Variants in ZNRF2 observed in about 807,000 individuals in gnomAD.
ZNRF2 encodes the protein E3 ubiquitin-protein ligase ZNRF2.
A neutral mutation model predicts 20.4 loss-of-function variants in ZNRF2; 16 were observed. That is an observed-to-expected ratio of 0.79 (90% CI 0.53 to 1.19). The LOEUF is 1.19. Among genes scored for constraint, ZNRF2 ranks in the 50% most tolerant of loss-of-function variants. The pLI, the probability that ZNRF2 is intolerant of heterozygous loss-of-function variation, is 0.00. For synonymous variants in ZNRF2, 178 were observed against 144.9 expected, an observed-to-expected ratio of 1.23 and a Z score of -1.64; for missense variants, 363 against 332.4, an observed-to-expected ratio of 1.09 and a Z score of -0.72.
intron 1 of ZNRF2, among the ~76,000 whole-genome samples, chr7:30,318,641 A>T (rs1799415052): frequency 6.6e-6 from 1 of 152,224 alleles, no homozygotes. Flanking sequence ...GAAACAATGT[A>T]CAAATACTGA....
intron 4 of ZNRF2, among the ~76,000 whole-genome samples, chr7:30,365,421 C>A (rs1800197800): frequency 6.6e-6 from 1 of 151,936 alleles, no homozygotes; most frequent in African/African-American, 2.4e-5. Flanking sequence ...GCAGGGTGAA[C>A]TCTGTTAATC....
At chr7:30,360,636 A>C (rs746737324) in intron 3 of ZNRF2, among the ~76,000 whole-genome samples, 4 of 152,060 alleles carry the variant, frequency 2.6e-5, no homozygotes, top group Non-Finnish European at 5.9e-5. Flanking sequence ...CAGAGTTTGC[A>C]GTGAATTGAG....
chr7:30,308,389 A>C (rs141780432), intron 1 of ZNRF2, among the ~76,000 whole-genome samples: 2 of 152,270 alleles, frequency 1.3e-5, no homozygotes, highest in Non-Finnish European at 2.9e-5. Flanking sequence ...ATTCTGGTGC[A>C]TATGTGCACA....
rs1230534682 is a variant in ZNRF2, at chr7:30,358,929, G to T, written c.671+3096G>T. 3.3e-5 allele frequency among the ~76,000 whole-genome samples: 5 copies of T among 152,252 alleles called. 1 individual carries two copies. In the South Asian group the frequency reaches 1.0e-3, roughly 32 times the overall value. On this transcript the variant is annotated intron_variant, in intron 3 of 4. Coordinates refer to ENST00000323037, the MANE Select transcript of ZNRF2 (RefSeq NM_147128.4). ...AAGACAATAGAAACAACTTCATAGA[G>T]TATAAGGGTATAAACAAGTGCTGGC...
chr7:30,346,463 A>G (rs966750942), intron 2 of ZNRF2, among the ~76,000 whole-genome samples: 2 of 152,152 alleles, frequency 1.3e-5, no homozygotes, highest in South Asian at 4.1e-4. Flanking sequence ...TGCTAGGATT[A>G]TAGGCATGAG....
At chr7:30,362,676 G>A (rs1800144871) in intron 4 of ZNRF2, among the ~76,000 whole-genome samples, 1 of 151,924 alleles carries the variant, frequency 6.6e-6, no homozygotes, top group African/African-American at 2.4e-5. Flanking sequence ...CACTTTGGGA[G>A]GCCTCAGGCA....
In ZNRF2 at chr7:30,295,281, C is replaced by G. The variant is rs192994877; in HGVS notation, c.469+9455C>G. ...GAGTTCCGCATCTGTCCATAAATTA[C>G]AAAAGCAGAGATGGGATGCACTTTA... On this transcript the variant is annotated intron_variant, in intron 1 of 4. Transcript: ENST00000323037. Among the ~76,000 whole-genome samples the G allele has an allele frequency of 5.7e-3, 874 of 152,214 alleles. 6 individuals carry two copies. The highest frequency in any genetic ancestry group is 6.7e-3 in the Non-Finnish European group (455 of 68,002).
At chr7:30,350,075 T>A (rs542277814) in intron 2 of ZNRF2, among the ~76,000 whole-genome samples, 2 of 152,036 alleles carry the variant, frequency 1.3e-5, no homozygotes, top group South Asian at 2.1e-4. Flanking sequence ...TCAATACTTA[T>A]AAAATACTTA....
At chr7:30,328,603 A>G (rs1206413794) in intron 2 of ZNRF2, among the ~76,000 whole-genome samples, 6 of 152,138 alleles carry the variant, frequency 3.9e-5, no homozygotes, top group Admixed American at 1.3e-4. Context: ...AAATTCAAAT[A>G]TAAGTTGATG....
At chr7:30,313,858 A>G (rs1360985887) in intron 1 of ZNRF2, among the ~76,000 whole-genome samples, 3 of 152,220 alleles carry the variant, frequency 2.0e-5, no homozygotes, top group Non-Finnish European at 4.4e-5. Context: ...TGGTGGCAGA[A>G]TATGTTCGGT....
intron 2 of ZNRF2, among the ~76,000 whole-genome samples, chr7:30,325,256 T>A (rs572972022): frequency 5.9e-4 from 90 of 152,332 alleles, no homozygotes; most frequent in African/African-American, 1.2e-3. Context: ...TCATTTTTTT[T>A]AAATATAAAT....
intron 1 of ZNRF2, among the ~76,000 whole-genome samples, chr7:30,318,091 T>C (rs1036008460): frequency 1.3e-5 from 2 of 152,186 alleles, no homozygotes; most frequent in Admixed American, 1.3e-4. Flanking sequence ...AGGGACAGTA[T>C]AAAGGAATGG....
chr7:30,361,537 G>A (rs567381729), intron 3 of ZNRF2, among the ~76,000 whole-genome samples: 2 of 152,320 alleles, frequency 1.3e-5, no homozygotes, highest in South Asian at 4.1e-4. Context: ...TAACTTGCTA[G>A]CTGTTAGGCA....
At chr7:30,362,164 T>C (rs561092727) in intron 3 of ZNRF2, among the ~76,000 whole-genome samples, 1 of 152,332 alleles carries the variant, frequency 6.6e-6, no homozygotes, top group East Asian at 1.9e-4. Flanking sequence ...TAAAGTACTT[T>C]ATAGCATAAT....
At chr7:30,337,402 A>C (rs1351411371) in intron 2 of ZNRF2, among the ~76,000 whole-genome samples, 1 of 152,172 alleles carries the variant, frequency 6.6e-6, no homozygotes, top group African/African-American at 2.4e-5. Context: ...AAAATCACAG[A>C]ACTTTATTAC....
At chr7:30,360,834 T>C (rs559398800) in intron 3 of ZNRF2, among the ~76,000 whole-genome samples, 1 of 152,340 alleles carries the variant, frequency 6.6e-6, no homozygotes, top group African/African-American at 2.4e-5. Flanking sequence ...ATGGAAGCAG[T>C]ACTATATGTT....
At chr7:30,298,581 G>A (rs1799056641) in intron 1 of ZNRF2, among the ~76,000 whole-genome samples, 1 of 152,194 alleles carries the variant, frequency 6.6e-6, no homozygotes, top group African/African-American at 2.4e-5. Flanking sequence ...GAAGAAGATT[G>A]AGAGTCTTAA....
intron 1 of ZNRF2, among the ~76,000 whole-genome samples, chr7:30,320,509 G>T (rs1181616955): frequency 1.3e-5 from 2 of 152,034 alleles, no homozygotes; most frequent in Non-Finnish European, 2.9e-5. Flanking sequence ...TGGTGTGGAG[G>T]TGATATGCAT....
intron 1 of ZNRF2, among the ~76,000 whole-genome samples, chr7:30,318,966 G>A (rs1485422200): frequency 6.6e-6 from 1 of 152,138 alleles, no homozygotes; most frequent in Non-Finnish European, 1.5e-5. Flanking sequence ...ACAAAAATTA[G>A]CTGGGTGTGG....
Sources: allele counts gnomAD v4.1 joint callset (sites outside exome capture counted in the v4.1 genomes callset), GRCh38; gene constraint gnomAD v4.1.1; transcripts MANE v1.5; gene names NCBI Gene and HGNC (gene_info 2026-07-23, HGNC 2026-07-21).